TOP1MT: variants seen among roughly 807,000 people sequenced by gnomAD.
TOP1MT encodes the protein DNA topoisomerase I, mitochondrial.
A neutral mutation model predicts 73.9 loss-of-function variants in TOP1MT; 80 were observed. That is an observed-to-expected ratio of 1.08 (90% CI 0.90 to 1.30). TOP1MT has a LOEUF of 1.30. TOP1MT is among the 50% of genes most tolerant of loss of function. The pLI, the probability that TOP1MT is intolerant of heterozygous loss-of-function variation, is 0.00. For synonymous variants in TOP1MT, 338 were observed against 326.4 expected (o/e 1.04, Z -0.38); for missense variants, 815 against 808.0 (o/e 1.01, Z -0.10).
At chr8:143,359,264 C>G, upstream of TOP1MT, 5 of 985,078 alleles carry the variant, frequency 5.1e-6, no homozygotes, top group Non-Finnish European at 6.0e-6. Flanking sequence ...AGCTGCAAAC[C>G]TGAGGTGTTA....
intron 12 of TOP1MT, among the ~76,000 whole-genome samples, chr8:143,313,860 GAAAAAAA>G (rs775683065): frequency 8.3e-6 from 1 of 121,004 alleles, no homozygotes; most frequent in Admixed American, 8.4e-5. Context: ...GTCTCCAAAG[GAAAAAAA>G]AAAAAAAGAA....
At chr8:143,342,968 A>T (rs571578095) in intron 2 of TOP1MT, among the ~76,000 whole-genome samples, 3 of 151,842 alleles carry the variant, frequency 2.0e-5, no homozygotes, top group Middle Eastern at 3.2e-3. Context: ...ATCATGTTGG[A>T]CAGGCTGGTC....
chr8:143,331,108 G>A (rs1816841532), intron 2 of TOP1MT, 116 bp downstream of exon 2: 2 of 755,446 alleles, frequency 2.6e-6, no homozygotes, highest in Non-Finnish European at 4.3e-6. Flanking sequence ...AGGGCACAGA[G>A]CGCTCATAGC....
upstream of TOP1MT, among the ~76,000 whole-genome samples, chr8:143,345,578 G>T (rs11985803): frequency 6.6e-6 from 1 of 152,238 alleles, no homozygotes; most frequent in African/African-American, 2.4e-5. Context: ...CACTTCAGCA[G>T]AGAGTTTTTC....
chr8:143,338,923 G>A (rs1817027296), upstream of TOP1MT, among the ~76,000 whole-genome samples: 1 of 152,236 alleles, frequency 6.6e-6, no homozygotes, highest in African/African-American at 2.4e-5. Context: ...GGTTGCCCAA[G>A]GGAGCGGGGA....
At chr8:143,311,932 A>T (rs1816025290) in intron 12 of TOP1MT, among the ~76,000 whole-genome samples, 1 of 152,258 alleles carries the variant, frequency 6.6e-6, no homozygotes, top group Non-Finnish European at 1.5e-5. Context: ...CACAAAGTAT[A>T]GAAAATATGA....
chr8:143,311,818 A>G (rs1816022841), intron 12 of TOP1MT, among the ~76,000 whole-genome samples: 1 of 152,168 alleles, frequency 6.6e-6, no homozygotes, highest in African/African-American at 2.4e-5. Context: ...CACTAAAGAA[A>G]TAAAAAAGAT....
chr8:143,335,009 G>T, upstream of TOP1MT: 1 of 825,272 alleles, frequency 1.2e-6, no homozygotes, highest in Non-Finnish European at 1.5e-6. Flanking sequence ...CCTGCACGGG[G>T]CTGCGGCAGC....
chr8:143,324,584 C>T lies in TOP1MT; in HGVS notation c.717G>A (p.Glu239=), dbSNP rs1024767869. The part of the protein sequence containing the change: ...PEPPAGHQWK[E]VRSDNTVTWL... Reference sequence around the variant, plus strand: ...ACGTGACGGTGTTATCGGAGCGCACCTCCTTCCACTGGTGCCCCGCCGGCG... The same window carrying T: ...ACGTGACGGTGTTATCGGAGCGCACTTCCTTCCACTGGTGCCCCGCCGGCG... The change falls in exon 6 of 14, where the codon GAG becomes GAA. Residue 239 remains glutamate (E), a synonymous_variant. Coordinates refer to ENST00000329245, the MANE Select transcript of TOP1MT (RefSeq NM_052963.3). 1.9e-6 allele frequency: 3 copies of T among 1,613,614 alleles called. No homozygotes were observed. Among genetic ancestry groups the T allele is most frequent in the East Asian group, 2.2e-5 (1 of 44,878 alleles).
intron 12 of TOP1MT, 58 bp from the exon 13 acceptor site, chr8:143,310,275 A>G: frequency 7.4e-7 from 1 of 1,345,934 alleles, no homozygotes; most frequent in Non-Finnish European, 9.8e-7. Context: ...ACCTGAGGAG[A>G]CCTGCACTTC....
At chr8:143,327,509 A>C (rs1213603416) in intron 3 of TOP1MT, 1 of 165,336 alleles carries the variant, frequency 6.0e-6, no homozygotes, top group Non-Finnish European at 1.3e-5. Context: ...GCCTCTTCCG[A>C]GGAGCTCAGG....
chr8:143,348,899 C>A (rs1817275245), upstream of TOP1MT, among the ~76,000 whole-genome samples: 1 of 152,218 alleles, frequency 6.6e-6, no homozygotes, highest in Admixed American at 6.5e-5. The surrounding 1 kb of genome is among the most constrained non-coding windows in gnomAD (Gnocchi z 4.6). Flanking sequence ...CACCCCAACT[C>A]ACCCTAAGCT....
chr8:143,336,310 G>C (rs920647065), upstream of TOP1MT, among the ~76,000 whole-genome samples: 3 of 152,172 alleles, frequency 2.0e-5, no homozygotes, highest in Non-Finnish European at 4.4e-5. Flanking sequence ...GGTTTTGTAA[G>C]AGGGAGTGTG....
upstream of TOP1MT, among the ~76,000 whole-genome samples, chr8:143,339,692 G>T (rs1468761950): frequency 6.6e-6 from 1 of 152,050 alleles, no homozygotes; most frequent in Non-Finnish European, 1.5e-5. Flanking sequence ...CACATTCCCA[G>T]CACTGGTCTA....
At chr8:143,356,366 T>G (rs1215461532), upstream of TOP1MT, among the ~76,000 whole-genome samples, 2 of 152,268 alleles carry the variant, frequency 1.3e-5, no homozygotes, top group Non-Finnish European at 2.9e-5. Flanking sequence ...CCAGGCAGCA[T>G]GCTGGCAGCA....
chr8:143,347,015 T>C (rs1817234433), upstream of TOP1MT, among the ~76,000 whole-genome samples: 1 of 151,348 alleles, frequency 6.6e-6, no homozygotes, highest in African/African-American at 2.4e-5. Flanking sequence ...AGATGGAGTC[T>C]CACTCTGTGG....
chr8:143,347,914 G>A (rs970099322), upstream of TOP1MT, among the ~76,000 whole-genome samples: 6 of 152,312 alleles, frequency 3.9e-5, no homozygotes, highest in African/African-American at 9.6e-5. Context: ...CCTCTGTGAC[G>A]CAGCTGTAGC....
intron 8 of TOP1MT, among the ~76,000 whole-genome samples, chr8:143,319,818 CCTT>C (rs1816279492): frequency 8.8e-6 from 1 of 113,688 alleles, no homozygotes; most frequent in African/African-American, 2.7e-5. Flanking sequence ...CAGAATGTAA[CCTT>C]TTTTTTTTTT....
chr8:143,317,606 T>C (rs1816203829), intron 10 of TOP1MT, 117 bp downstream of exon 10: 16 of 869,202 alleles, frequency 1.8e-5, no homozygotes, highest in Non-Finnish European at 2.8e-5. Context: ...CCTCAGCCCA[T>C]TTCCCAAAGA....
Sources: gnomAD v4.1 joint callset for allele counts (sites outside exome capture counted in the v4.1 genomes callset) on GRCh38, gnomAD v4.1.1 for gene constraint, Gnocchi (gnomAD v3.1) non-coding constraint, MANE v1.5 for transcripts, NCBI Gene and HGNC (gene_info 2026-07-23, HGNC 2026-07-21) for gene names.